The following ARHGDIB variants were observed in gnomAD, a reference collection of about 807,000 sequenced individuals.
The protein encoded by ARHGDIB is Rho GDP dissociation inhibitor beta, also known as rho GDP-dissociation inhibitor 2.
A neutral mutation model predicts 22.6 loss-of-function variants in ARHGDIB; 20 were observed. The observed-to-expected ratio is 0.88, with a 90% CI of 0.62 to 1.28. ARHGDIB has a LOEUF of 1.28. Among genes scored for constraint, ARHGDIB ranks in the 50% most tolerant of loss-of-function variants. ARHGDIB has a pLI of 0.00. For missense variants in ARHGDIB, 254 were observed against 245.4 expected (o/e 1.04, Z -0.23); for synonymous variants, 114 against 96.1 (o/e 1.19, Z -1.09).
At chr12:14,958,446 G>C (rs1864345019) in intron 1 of ARHGDIB, among the ~76,000 whole-genome samples, 1 of 152,198 alleles carries the variant, frequency 6.6e-6, no homozygotes, top group African/African-American at 2.4e-5. Flanking sequence ...GTCTTTGTGA[G>C]AGAAACAATT....
Position 14,950,541 on chromosome 12 carries a change from C to G in ARHGDIB, c.172G>C (p.Val58Leu), listed in dbSNP as rs541241386. ...CTCTGTACACACATACCTGTCACCA[C>G]AGGACCATCTCCCAGCAGCGTTTTC... is the stretch of plus-strand genomic sequence containing the variant. ...YKKTLLGDGP[V>L]VTDPKAPNVV... The change falls in exon 2 of 6, where the codon GTG (valine) becomes CTG (leucine). Residue 58 changes from valine to leucine, a missense_variant. By Grantham distance (32) the Val-to-Leu change is conservative. Coordinates refer to ENST00000228945, the MANE Select transcript of ARHGDIB (RefSeq NM_001175.7). 1.2e-6 allele frequency: 2 copies of G among 1,612,970 alleles called. No individual in the cohort carries two copies. The highest frequency in any genetic ancestry group is 2.2e-5 in the South Asian group (2 of 90,942).
intron 2 of ARHGDIB, 45 bp downstream of exon 2, chr12:14,950,487 C>T: frequency 1.3e-6 from 2 of 1,538,138 alleles, no homozygotes; most frequent in Non-Finnish European, 1.8e-6. Context: ...TGTCTTCTTC[C>T]CTCTCAGCGA....
chr12:14,956,243 G>C (rs1410070314), intron 1 of ARHGDIB: 1 of 152,144 alleles, frequency 6.6e-6, no homozygotes, highest in Non-Finnish European at 1.5e-5. Flanking sequence ...AACAAAGCAG[G>C]GAAGTGTCAG....
chr12:14,944,834 G>T lies in ARHGDIB; in HGVS notation c.348C>A (p.Asn116Lys). The T allele has an allele frequency of 6.2e-7, 1 of 1,612,900 alleles. No homozygotes were observed. Among genetic ancestry groups the T allele is most frequent in the Non-Finnish European group, 8.5e-7 (1 of 1,179,416 alleles). Residue 116 changes from asparagine to lysine, a missense_variant, in exon 5 of 6, where the codon AAC (asparagine) becomes AAA (lysine). Coordinates refer to ENST00000228945, the MANE Select transcript of ARHGDIB (RefSeq NM_001175.7). ...EYRVKIHFKV[N>K]RDIVSGLKYV... ...ATTTCAGGCCTGACACAATATCCCT[G>T]TTCACCTGCAGGTGGGAAGGAACCA...
intron 5 of ARHGDIB, 126 bp downstream of exon 5, chr12:14,944,650 A>G: frequency 1.1e-6 from 1 of 870,350 alleles, no homozygotes; most frequent in Non-Finnish European, 1.8e-6. Context: ...GCCTTTTCCT[A>G]GAGCCGGCAT....
chr12:14,947,757 G>T lies in ARHGDIB; in HGVS notation c.342+116C>A, dbSNP rs893671325. On this transcript the variant is annotated intron_variant, in intron 4 of 5. Coordinates refer to ENST00000228945, the MANE Select transcript of ARHGDIB (RefSeq NM_001175.7). ...AAGAGGACATTCCAGACCCAGCTTG[G>T]GGGTACTAGGGGAGAAACAAACAAA... is the stretch of plus-strand genomic sequence containing the variant. 1.3e-5 allele frequency: 11 copies of T among 876,534 alleles called. No individual in the cohort carries two copies. The South Asian group carries it at 1.7e-4, about 13-fold the overall frequency. 54.3% of individuals were successfully genotyped at this position (876,534 alleles called of 1,614,324 possible).
At chr12:14,955,115 C>T (rs932915929) in intron 1 of ARHGDIB, among the ~76,000 whole-genome samples, 2 of 151,920 alleles carry the variant, frequency 1.3e-5, no homozygotes, top group Non-Finnish European at 2.9e-5. Flanking sequence ...ATAAAGGGTA[C>T]CATAATAGTA....
intron 2 of ARHGDIB, 131 bp from the exon 3 acceptor site, chr12:14,950,016 T>C (rs1167830065): frequency 3.6e-6 from 3 of 841,962 alleles, no homozygotes; most frequent in East Asian, 2.7e-5. Flanking sequence ...TAGAAATGGA[T>C]GTGGCAGGTT....
chr12:14,948,025 A>T (rs1390242681), intron 3 of ARHGDIB, 76 bp from the exon 4 acceptor site: 1 of 1,318,426 alleles, frequency 7.6e-7, no homozygotes, highest in African/African-American at 1.5e-5. Context: ...TAAGTCCCGG[A>T]AAAATTTGTT....
chr12:14,951,201 A>G (rs1227095750), intron 1 of ARHGDIB: 1 of 153,132 alleles, frequency 6.5e-6, no homozygotes, highest in African/African-American at 2.4e-5. Context: ...TTGCCAGAGA[A>G]ATGGTTGGCT....
Position 14,942,518 on chromosome 12 carries a change from G to A in ARHGDIB, c.*4C>T. ...GGCAAGGGTGGGGAAAGGGGTGGAT[G>A]CATTCATTCTGTCCACTCCTTCTTA... On this transcript the variant is annotated 3_prime_UTR_variant, in exon 6 of 6. Transcript: ENST00000228945. The A allele has an allele frequency of 6.2e-7, 1 of 1,613,954 alleles. No homozygotes were observed. The highest frequency in any genetic ancestry group is 8.5e-7 in the Non-Finnish European group (1 of 1,179,962).
intron 5 of ARHGDIB, among the ~76,000 whole-genome samples, chr12:14,944,392 G>C (rs73058103): frequency 0.054 from 8,221 of 151,362 alleles, 260 homozygotes; most frequent in Middle Eastern, 0.12. Context: ...CACTGGGCAA[G>C]TTTTTTCTTT....
chr12:14,953,759 G>A (rs1291129114), intron 1 of ARHGDIB, among the ~76,000 whole-genome samples: 1 of 152,004 alleles, frequency 6.6e-6, no homozygotes, highest in Non-Finnish European at 1.5e-5. Context: ...TCAAAACTAT[G>A]GAAGCATGAA....
In ARHGDIB at chr12:14,949,801, C is replaced by T; in HGVS notation, c.265+1G>A. 6.2e-7 allele frequency: 1 copy of T among 1,613,224 alleles called. No homozygotes were observed. Among genetic ancestry groups the T allele is most frequent in the Admixed American group, 1.7e-5 (1 of 59,988 alleles). ...TGAACAGTACAGATGTGTCTACATACCAGTAAGGTCCATGGTGATTGGTCC... is the reference window on the plus strand; with the variant it reads ...TGAACAGTACAGATGTGTCTACATATCAGTAAGGTCCATGGTGATTGGTCC... On this transcript the variant is annotated splice_donor_variant, in intron 3 of 5. Coordinates refer to ENST00000228945, the MANE Select transcript of ARHGDIB (RefSeq NM_001175.7). LOFTEE classifies it high-confidence loss of function.
chr12:14,949,915 A>C (rs1864128944), intron 2 of ARHGDIB, 30 bp from the exon 3 acceptor site: 1 of 1,596,076 alleles, frequency 6.3e-7, no homozygotes, highest in Admixed American at 1.7e-5. Context: ...TGTAAGTACC[A>C]AGAAGAGACA....
intron 4 of ARHGDIB, 137 bp downstream of exon 4, chr12:14,947,736 G>T: frequency 1.4e-6 from 1 of 724,418 alleles, no homozygotes; most frequent in Non-Finnish European, 2.3e-6. Flanking sequence ...GCTGGGAAGA[G>T]GACATTCCAG....
chr12:14,950,611 C>T lies in ARHGDIB; in HGVS notation c.102G>A (p.Glu34=). ...YKPPPQKSLK[E]LQEMDKDDES... ...CATCATCTTTGTCCATTTCCTGCAG[C>T]TCTTTCAGGGACTTCTGTGGTGGAG... is the stretch of plus-strand genomic sequence containing the variant. The change falls in exon 2 of 6, where the codon GAG becomes GAA. Residue 34 remains glutamate, a synonymous_variant. Transcript: ENST00000228945. 1 of 1,614,068 alleles carries T rather than the reference C, an allele frequency of 6.2e-7. No individual in the cohort carries two copies. The highest frequency in any genetic ancestry group is 8.5e-7 in the Non-Finnish European group (1 of 1,179,964).
At chr12:14,955,239 C>T (rs983108142) in intron 1 of ARHGDIB, among the ~76,000 whole-genome samples, 4 of 152,144 alleles carry the variant, frequency 2.6e-5, no homozygotes, top group African/African-American at 9.7e-5. Context: ...GGCACAATTA[C>T]ATTTTACAAG....
chr12:14,944,952 A>C, intron 4 of ARHGDIB, 113 bp from the exon 5 acceptor site: 8 of 809,006 alleles, frequency 9.9e-6, no homozygotes, highest in South Asian at 2.1e-5. Context: ...AAAACTAAAG[A>C]TTTAGTTCAG....
Sources: gnomAD v4.1 joint callset for allele counts (sites outside exome capture counted in the v4.1 genomes callset) on GRCh38, gnomAD v4.1.1 for gene constraint, MANE v1.5 for transcripts, NCBI Gene and HGNC (gene_info 2026-07-23, HGNC 2026-07-21) for gene names.